Variants in RAD51D observed in about 807,000 individuals in gnomAD.
The protein encoded by RAD51D is DNA repair protein RAD51 homolog 4.
Under a neutral mutation model 44.1 loss-of-function variants are expected in RAD51D, and 38 were observed. The observed-to-expected ratio is 0.86, with a 90% confidence interval of 0.67 to 1.13. The LOEUF is 1.13. Ranked by LOEUF, RAD51D falls within the 50% of genes most tolerant of loss-of-function variation. RAD51D has a pLI of 0.00. For synonymous variants in RAD51D, 141 were observed against 166.6 expected (o/e 0.85, Z 1.18); for missense variants, 390 against 414.0 (o/e 0.94, Z 0.50).
chr17:35,119,037 A>G, intron 2 of RAD51D, 74 bp downstream of exon 2: 1 of 1,431,286 alleles, frequency 7.0e-7, no homozygotes, highest in Non-Finnish European at 9.9e-7. Context: ...GGCATGAGCC[A>G]CCGCGCCCAG....
chr17:35,119,454 G>A (rs1264557292), intron 1 of RAD51D, 78 bp downstream of exon 1: 12 of 1,487,584 alleles, frequency 8.1e-6, no homozygotes, highest in African/African-American at 4.1e-5. Flanking sequence ...GGTATGCCAG[G>A]GCAGTGCGCC....
Position 35,103,558 on chromosome 17 carries a change from G to A in RAD51D, c.577-14C>T, listed in dbSNP as rs901774537. ...AGAACCAGTCACCTGAAGGAATGTG[G>A]GGGAAGCACTCATGAACCTGTCAGC... On this transcript the variant is annotated splice_polypyrimidine_tract_variant and intron_variant, in intron 6 of 9. Coordinates refer to ENST00000345365, the MANE Select transcript of RAD51D (RefSeq NM_002878.4). This position sits in a 1 kb window ranked among gnomAD's most constrained non-coding sequence, Gnocchi z 4.1. The A allele has an allele frequency of 6.2e-7, 1 of 1,605,052 alleles. No homozygotes were observed. Among genetic ancestry groups the A allele is most frequent in the South Asian group, 1.1e-5 (1 of 90,868 alleles).
Position 35,098,390 on chromosome 17 carries a change from A to G in RAD51D, c.*2563T>C, listed in dbSNP as rs1000144280. ...GCTGGGATTACAGACATGCGCCACG[A>G]CGCCTGGCTAATTTTTGCATTTTTT... On this transcript the variant is annotated 3_prime_UTR_variant, in exon 10 of 10. Coordinates refer to ENST00000345365, the MANE Select transcript of RAD51D (RefSeq NM_002878.4). The G allele has an allele frequency of 1.5e-4, 23 of 148,694 alleles. No individual in the cohort carries two copies. Among genetic ancestry groups the G allele is most frequent in the African/African-American group, 5.5e-4 (22 of 40,052 alleles). The allele number at this position is 148,694 out of a possible 1,614,324, so 9.2% of individuals were successfully genotyped here.
Position 35,093,827 on chromosome 17 carries a change from CTAATT to C in RAD51D, c.*7121_*7125del, listed in dbSNP as rs1267604401. On this transcript the variant is annotated 3_prime_UTR_variant, in exon 10 of 10. Transcript: ENST00000345365. ...CTTTGGATTAATAATATACCTAACTCTAATTTAAGGTCTATGCATCACAGAGCCTT... is the reference window on the plus strand; with the variant it reads ...CTTTGGATTAATAATATACCTAACTCTAAGGTCTATGCATCACAGAGCCTT... 6.6e-6 allele frequency: 1 copy of C among 152,186 alleles called. No homozygotes were observed. The highest frequency in any genetic ancestry group is 1.5e-5 in the Non-Finnish European group (1 of 68,050). 9.4% of individuals were successfully genotyped at this position (152,186 alleles called of 1,614,324 possible).
intron 3 of RAD51D, chr17:35,113,588 G>C (rs2091702732): frequency 2.2e-6 from 1 of 446,556 alleles, no homozygotes; most frequent in Non-Finnish European, 4.5e-6. Flanking sequence ...TTTAATTCCA[G>C]GGACTCCCCA....
intron 3 of RAD51D, among the ~76,000 whole-genome samples, chr17:35,115,600 T>C (rs547804200): frequency 6.6e-6 from 1 of 152,134 alleles, no homozygotes; most frequent in East Asian, 1.9e-4. Context: ...CTGGGCATGG[T>C]AGCTCACGCC....
Position 35,107,170 on chromosome 17 carries a change from G to A in RAD51D, c.346-48C>T, listed in dbSNP as rs1292826659. ...AACTTGACACTTCAGAGAGGGTCCAGATGGGAGCTCCCCACCAAACCTTGC... is the reference window on the plus strand; with the variant it reads ...AACTTGACACTTCAGAGAGGGTCCAAATGGGAGCTCCCCACCAAACCTTGC... On this transcript the variant is annotated intron_variant, in intron 4 of 9. Transcript: ENST00000345365. 17 of 1,609,706 alleles carry A rather than the reference G, an allele frequency of 1.1e-5. No individual in the cohort carries two copies. The African/African-American group carries it at 1.7e-4, about 16-fold the overall frequency.
intron 6 of RAD51D, among the ~76,000 whole-genome samples, chr17:35,105,669 A>C (rs1371352741): frequency 5.3e-5 from 8 of 152,150 alleles, no homozygotes; most frequent in African/African-American, 1.9e-4. Flanking sequence ...GTGCCAACCC[A>C]AATGCCATTC....
At chr17:35,119,196 G>A (rs745998176) in intron 1 of RAD51D, 24 bp from the exon 2 acceptor site, 1 of 1,603,764 alleles carries the variant, frequency 6.2e-7, no homozygotes, top group Non-Finnish European at 8.5e-7. Context: ...ACGTATAGCG[G>A]ATTGGCAGAG....
At chr17:35,119,453 G>GA in intron 1 of RAD51D, 79 bp downstream of exon 1, 1 of 1,486,518 alleles carries the variant, frequency 6.7e-7, no homozygotes, top group Non-Finnish European at 9.3e-7. Flanking sequence ...AGGTATGCCA[G>GA]GGCAGTGCGC....
chr17:35,115,378 G>C (rs1245231133), intron 3 of RAD51D: 4 of 476,552 alleles, frequency 8.4e-6, no homozygotes, highest in Non-Finnish European at 1.7e-5. Flanking sequence ...CATCAACATA[G>C]CTTTTCCCAA....
intron 3 of RAD51D, chr17:35,113,649 A>G (rs1024259891): frequency 8.5e-6 from 3 of 354,966 alleles, no homozygotes; most frequent in African/African-American, 6.5e-5. Context: ...TTACCACTCT[A>G]GCCCTGTGGC....
chr17:35,111,278 C>T (rs1190390830), intron 3 of RAD51D, among the ~76,000 whole-genome samples: 1 of 150,968 alleles, frequency 6.6e-6, no homozygotes, highest in African/African-American at 2.4e-5. Context: ...CGCTTGAACC[C>T]GGGAGGCGGA....
chr17:35,110,778 C>G (rs535942481), intron 3 of RAD51D, among the ~76,000 whole-genome samples: 160 of 152,218 alleles, frequency 1.1e-3, no homozygotes, highest in African/African-American at 3.8e-3. Context: ...TTGAGGCCAG[C>G]CTGGGCAACA....
At chr17:35,108,045 C>A (rs548913899) in intron 3 of RAD51D, among the ~76,000 whole-genome samples, 2 of 151,940 alleles carry the variant, frequency 1.3e-5, no homozygotes, top group South Asian at 4.2e-4. Context: ...TCACCACGCC[C>A]AGCTGTTTGT....
intron 3 of RAD51D, among the ~76,000 whole-genome samples, chr17:35,112,011 G>A (rs1014953056): frequency 3.3e-5 from 5 of 152,236 alleles, no homozygotes; most frequent in African/African-American, 1.2e-4. Context: ...TGCTTTGTTA[G>A]ACTTATACCC....
rs757446541 is a variant in RAD51D at position 35,101,344 on chromosome 17, C to T, written c.760G>A (p.Asp254Asn). The change falls in exon 9 of 10, where the codon GAC becomes AAC. Residue 254 changes from aspartate to asparagine, a missense_variant. Coordinates refer to ENST00000345365, the MANE Select transcript of RAD51D (RefSeq NM_002878.4). ...AVVVTNHITRDRDSGRLKPAL... is the reference protein window; with the variant it reads ...AVVVTNHITRNRDSGRLKPAL... ...GGTTTGAGCCTCCCGCTGTCCCTGT[C>T]TCGAGTTATGTGGTTGGTCACCTGC... 3 of 1,614,000 alleles carry T rather than the reference C, an allele frequency of 1.9e-6. No homozygotes were observed. The highest frequency in any genetic ancestry group is 1.7e-5 in the Admixed American group (1 of 60,022).
intron 3 of RAD51D, among the ~76,000 whole-genome samples, chr17:35,111,893 G>A (rs1030661966): frequency 5.3e-5 from 8 of 152,082 alleles, no homozygotes; most frequent in African/African-American, 1.4e-4. Context: ...TCTTCATTAT[G>A]TTCAGTCTCC....
chr17:35,101,678 G>A (rs1252902924), intron 8 of RAD51D, among the ~76,000 whole-genome samples: 1 of 152,172 alleles, frequency 6.6e-6, no homozygotes, highest in African/African-American at 2.4e-5. Flanking sequence ...CAAAGTGCTG[G>A]GATTACAAGT....
Sources: allele counts gnomAD v4.1 joint callset (sites outside exome capture counted in the v4.1 genomes callset), GRCh38; gene constraint gnomAD v4.1.1; non-coding constraint Gnocchi (gnomAD v3.1); transcripts MANE v1.5; gene names NCBI Gene and HGNC (gene_info 2026-07-23, HGNC 2026-07-21).